Variants in MCTP2 observed in about 807,000 individuals in gnomAD.
MCTP2 encodes multiple C2 and transmembrane domain containing 2, also known as multiple C2 and transmembrane domain-containing protein 2.
A neutral mutation model predicts 111.6 loss-of-function variants in MCTP2; 132 were observed. That is an observed-to-expected ratio of 1.18 (90% CI 1.03 to 1.37). MCTP2 has a LOEUF of 1.37. MCTP2 is among the 40% of genes most tolerant of loss of function. MCTP2 has a pLI of 0.00. For missense variants in MCTP2, 1,183 were observed against 1,067.9 expected, an observed-to-expected ratio of 1.11 and a Z score of -1.50; for synonymous variants, 395 against 387.7, an observed-to-expected ratio of 1.02 and a Z score of -0.22.
chr15:94,412,707 A>G (rs1244466793), intron 17 of MCTP2, among the ~76,000 whole-genome samples: 1 of 152,134 alleles, frequency 6.6e-6, no homozygotes, highest in African/African-American at 2.4e-5. Flanking sequence ...GCCTTTGTTA[A>G]TAGCCACATT....
In MCTP2 at chr15:94,371,745, A is replaced by G. The variant is rs566142877; in HGVS notation, c.1582+1565A>G. The stretch of plus-strand genomic sequence containing the variant: ...GCTCTGTCGCCCAGGCTGGAGTACA[A>G]TGGCGCCATCTTGGCTCACTGCAAC... On this transcript the variant is annotated intron_variant, in intron 12 of 22. Coordinates refer to ENST00000357742, the MANE Select transcript of MCTP2 (RefSeq NM_001385001.1). Among the ~76,000 whole-genome samples, 23 of 152,230 alleles carry G rather than the reference A, an allele frequency of 1.5e-4. No homozygotes were observed. The South Asian group carries it at 4.6e-3, about 30-fold the overall frequency.
chr15:94,264,409 C>T (rs944837139), intron 1 of MCTP2, among the ~76,000 whole-genome samples: 2 of 152,006 alleles, frequency 1.3e-5, no homozygotes, highest in South Asian at 4.1e-4. Flanking sequence ...GAGATCGAGA[C>T]CATCCTGGCT....
chr15:94,441,083 T>G (rs144937397), intron 18 of MCTP2, among the ~76,000 whole-genome samples: 158 of 152,252 alleles, frequency 1.0e-3, no homozygotes, highest in African/African-American at 3.6e-3. Flanking sequence ...AAGACTTGAT[T>G]AATTTTCTTT....
At chr15:94,249,956 C>T (rs763152347) in intron 1 of MCTP2, among the ~76,000 whole-genome samples, 2 of 151,864 alleles carry the variant, frequency 1.3e-5, no homozygotes, top group African/African-American at 2.4e-5. Context: ...TTTTTACATT[C>T]GCTTATTACA....
At chr15:94,420,273 G>T (rs1352416232) in intron 17 of MCTP2, among the ~76,000 whole-genome samples, 1 of 152,120 alleles carries the variant, frequency 6.6e-6, no homozygotes, top group East Asian at 1.9e-4. Flanking sequence ...CAAGAGCTGT[G>T]ATGGAGATAT....
At position 94,458,326 on chromosome 15, in the gene MCTP2, G is replaced by A. The variant is rs113551931; in HGVS notation, c.2360+80G>A. The A allele has an allele frequency of 3.9e-3, 3,270 of 844,714 alleles. 73 individuals are homozygous for A. In the African/African-American group the frequency reaches 0.045, roughly 12 times the overall value. The allele number at this position is 844,714 out of a possible 1,614,324, so 52.3% of individuals were successfully genotyped here. A position where few individuals can be genotyped will look rare whatever the true frequency, so the allele number is the denominator to read the frequency against. On this transcript the variant is annotated intron_variant, in intron 20 of 22. Transcript: ENST00000357742. ...CAGTGGGGTAATGGCAGTGGTGTGC[G>A]ACAAAGGGAGGCAAGAAAATACAAA...
chr15:94,479,279 A>G lies in MCTP2; in HGVS notation c.*245A>G, dbSNP rs2074608864. 1.9e-6 allele frequency: 1 copy of G among 519,848 alleles called. No individual in the cohort carries two copies. Among genetic ancestry groups the G allele is most frequent in the East Asian group, 2.9e-5 (1 of 34,644 alleles). The allele number at this position is 519,848 out of a possible 1,614,324, so 32.2% of individuals were successfully genotyped here. A position where few individuals can be genotyped will look rare whatever the true frequency, so the allele number is the denominator to read the frequency against. On this transcript the variant is annotated 3_prime_UTR_variant, in exon 23 of 23. Transcript: ENST00000357742. ...AGCAACAACCCCAAGACTGTGAAAG[A>G]CTAACATCCATTCTGAAATAGGAGA... is the stretch of plus-strand genomic sequence containing the variant.
chr15:94,295,283 G>GA (rs2075220779), intron 1 of MCTP2, among the ~76,000 whole-genome samples: 1 of 152,012 alleles, frequency 6.6e-6, no homozygotes, highest in Admixed American at 6.6e-5. Flanking sequence ...CAATCTTGAT[G>GA]AGTCTCTTTG....
chr15:94,376,968 C>T (rs1266614157), intron 12 of MCTP2, among the ~76,000 whole-genome samples: 1 of 152,084 alleles, frequency 6.6e-6, no homozygotes, highest in Non-Finnish European at 1.5e-5. Flanking sequence ...AAACTGTTGA[C>T]CAAAATAGGG....
At chr15:94,251,612 G>A (rs1451392418) in intron 1 of MCTP2, among the ~76,000 whole-genome samples, 1 of 152,132 alleles carries the variant, frequency 6.6e-6, no homozygotes, top group Non-Finnish European at 1.5e-5. Context: ...ACCTGCCTCG[G>A]CCTCCCAAAG....
chr15:94,275,992 C>T (rs1184530096), intron 1 of MCTP2, among the ~76,000 whole-genome samples: 1 of 151,878 alleles, frequency 6.6e-6, no homozygotes, highest in Non-Finnish European at 1.5e-5. Flanking sequence ...GGGACAGGCA[C>T]TTGCCACCAT....
At chr15:94,245,647 C>T (rs1005944318) in intron 1 of MCTP2, among the ~76,000 whole-genome samples, 3 of 142,416 alleles carry the variant, frequency 2.1e-5, no homozygotes, top group East Asian at 2.0e-4. Context: ...TATACATATA[C>T]ATATGTATAT....
chr15:94,469,212 G>A lies in MCTP2; in HGVS notation c.2361-1121G>A, dbSNP rs1023684919. 2.1e-4 allele frequency among the ~76,000 whole-genome samples: 32 copies of A among 152,216 alleles called. 1 individual carries two copies. Among genetic ancestry groups the A allele is most frequent in the Admixed American group, 7.2e-4 (11 of 15,274 alleles). The stretch of plus-strand genomic sequence containing the variant: ...CTAGCACAAGGCAATGAGGCTCTAC[G>A]GTTAAATCTGTATGTGAAGATGAAG... On this transcript the variant is annotated intron_variant, in intron 20 of 22. Coordinates refer to ENST00000357742, the MANE Select transcript of MCTP2 (RefSeq NM_001385001.1).
At chr15:94,437,334 A>C (rs2083536060) in intron 17 of MCTP2, among the ~76,000 whole-genome samples, 1 of 152,002 alleles carries the variant, frequency 6.6e-6, no homozygotes, top group African/African-American at 2.4e-5. Context: ...GAATATATAA[A>C]AAAGAAAGAA....
chr15:94,269,195 C>T (rs937170741), intron 1 of MCTP2, among the ~76,000 whole-genome samples: 1 of 152,114 alleles, frequency 6.6e-6, no homozygotes, highest in African/African-American at 2.4e-5. Context: ...GTTTCAAATT[C>T]TGTCAGTTTT....
chr15:94,399,955 A>G lies in MCTP2; in HGVS notation c.1925A>G (p.Glu642Gly). 6.2e-7 allele frequency: 1 copy of G among 1,613,954 alleles called. No individual in the cohort carries two copies. Among genetic ancestry groups the G allele is most frequent in the Non-Finnish European group, 8.5e-7 (1 of 1,179,868 alleles). ...KASIRTFTPR[E>G]KRFVEDSRKL... is the part of the protein sequence containing the mutation. The stretch of plus-strand genomic sequence containing the variant: ...AGTATTAGGACTTTTACTCCCCGGG[A>G]AAAGCGCTTTGTTGAAGACAGCCGC... Residue 642 changes from glutamate (E) to glycine (G), a missense_variant, in exon 16 of 23, where the codon GAA becomes GGA. Coordinates refer to ENST00000357742, the MANE Select transcript of MCTP2 (RefSeq NM_001385001.1).
At chr15:94,380,673 A>C (rs2080084118) in intron 12 of MCTP2, among the ~76,000 whole-genome samples, 1 of 151,466 alleles carries the variant, frequency 6.6e-6, no homozygotes, top group Admixed American at 6.6e-5. Flanking sequence ...GAGGCTGAGG[A>C]GGGAGAATTG....
At chr15:94,406,344 G>T (rs2081895032) in intron 17 of MCTP2, among the ~76,000 whole-genome samples, 1 of 152,188 alleles carries the variant, frequency 6.6e-6, no homozygotes, top group Non-Finnish European at 1.5e-5. Flanking sequence ...AGGCCATCTT[G>T]CTTTAGTCTG....
chr15:94,328,178 G>C (rs1016244278), intron 4 of MCTP2, among the ~76,000 whole-genome samples: 1 of 150,854 alleles, frequency 6.6e-6, no homozygotes, highest in Non-Finnish European at 1.5e-5. Context: ...ACCCAGGCTG[G>C]AGTGCAGTGG....
Sources: gnomAD v4.1 joint callset for allele counts (sites outside exome capture counted in the v4.1 genomes callset) on GRCh38, gnomAD v4.1.1 for gene constraint, MANE v1.5 for transcripts, NCBI Gene and HGNC (gene_info 2026-07-23, HGNC 2026-07-21) for gene names.